The following DIAPH3 variants were observed in gnomAD, a reference collection of about 807,000 sequenced individuals.
DIAPH3 encodes diaphanous related formin 3.
In DIAPH3, 117 loss-of-function variants were observed where a neutral mutation model predicts 144.3. That is an observed-to-expected ratio of 0.81 (90% CI 0.70 to 0.95). The LOEUF is 0.95. Ranked by LOEUF, DIAPH3 falls within the 40% of genes least tolerant of loss-of-function variation. The pLI, the probability that DIAPH3 is intolerant of heterozygous loss-of-function variation, is 0.00. For missense variants in DIAPH3, 1,421 were observed against 1,412.7 expected (o/e 1.01, Z -0.09); for synonymous variants, 519 against 488.9 (o/e 1.06, Z -0.81).
At chr13:60,054,112 TA>T (rs1241542387) in intron 4 of DIAPH3, among the ~76,000 whole-genome samples, 1 of 152,062 alleles carries the variant, frequency 6.6e-6, no homozygotes, top group East Asian at 1.9e-4. Context: ...TAGTAGCCTA[TA>T]CCAAAATTCC....
At chr13:60,107,264 G>GA (rs1216737495) in intron 3 of DIAPH3, among the ~76,000 whole-genome samples, 36 of 144,882 alleles carry the variant, frequency 2.5e-4, no homozygotes, top group African/African-American at 3.0e-4. Context: ...TATACAGACA[G>GA]AAAAAAAAAA....
In DIAPH3 at chr13:60,159,394, A is replaced by G. The variant is rs574067519; in HGVS notation, c.180+4193T>C. 1.2e-4 allele frequency among the ~76,000 whole-genome samples: 18 copies of G among 151,356 alleles called. No individual in the cohort carries two copies. The South Asian group carries it at 3.8e-3, about 32-fold the overall frequency. ...TAATCCCAGCACTTTGGGAGGCCGA[A>G]GCGGGTGGATCACTTGAGGTCAGGA... On this transcript the variant is annotated intron_variant, in intron 1 of 27. Transcript: ENST00000400324.
At chr13:59,839,562 C>A (rs2042229415) in intron 22 of DIAPH3, 114 bp from the exon 23 acceptor site, 3 of 964,030 alleles carry the variant, frequency 3.1e-6, no homozygotes, top group Non-Finnish European at 4.3e-6. Flanking sequence ...TAAGAAAATT[C>A]ATTATAAAAT....
chr13:59,808,725 A>T (rs1361288003), intron 25 of DIAPH3, among the ~76,000 whole-genome samples: 2 of 152,172 alleles, frequency 1.3e-5, no homozygotes, highest in Admixed American at 1.3e-4. Context: ...ATTAAAAATT[A>T]TAAGAATTAC....
intron 27 of DIAPH3, among the ~76,000 whole-genome samples, chr13:59,748,941 C>T (rs953765382): frequency 2.0e-5 from 3 of 151,998 alleles, no homozygotes; most frequent in Admixed American, 6.6e-5. Context: ...AGGTCAGGTG[C>T]GGTGGCTCAT....
At chr13:59,743,283 A>G (rs944326277) in intron 27 of DIAPH3, among the ~76,000 whole-genome samples, 1 of 152,208 alleles carries the variant, frequency 6.6e-6, no homozygotes, top group Non-Finnish European at 1.5e-5. Flanking sequence ...GGCCTGAGAT[A>G]AAGCAGTGGC....
In DIAPH3 at chr13:59,879,447, G is replaced by A. The variant is rs200291290; in HGVS notation, c.2389C>T (p.Arg797Trp). The change falls in exon 21 of 28, where the codon CGG becomes TGG. Residue 797 changes from arginine to tryptophan, a missense_variant. Arg to Trp is a moderately radical substitution (Grantham distance 101). Transcript: ENST00000400324. ...AAGAGAATAGCACTGAGCCGTGGCC[G>A]TAGTCTCTTCACATTGCTCATCTGA... is the stretch of plus-strand genomic sequence containing the variant. ...VVVMSNVKRLRPRLSAILFKL... is the reference protein window; with the variant it reads ...VVVMSNVKRLWPRLSAILFKL... 2.5e-4 allele frequency: 404 copies of A among 1,613,596 alleles called. 1 individual carries two copies. The East Asian group carries it at 4.0e-3, about 16-fold the overall frequency.
At chr13:59,974,285 A>C in intron 15 of DIAPH3, 67 bp downstream of exon 15, 2 of 1,119,758 alleles carry the variant, frequency 1.8e-6, no homozygotes, top group Non-Finnish European at 2.7e-6. Flanking sequence ...TGCTATGAAG[A>C]TATAACATAA....
At chr13:59,910,866 T>G (rs1345891802) in intron 20 of DIAPH3, among the ~76,000 whole-genome samples, 2 of 150,680 alleles carry the variant, frequency 1.3e-5, no homozygotes, top group African/African-American at 2.4e-5. Flanking sequence ...AGGAGTAGAA[T>G]GCGTTTATGA....
chr13:59,724,635 C>T (rs373112220), intron 27 of DIAPH3, among the ~76,000 whole-genome samples: 1 of 152,144 alleles, frequency 6.6e-6, no homozygotes, highest in South Asian at 2.1e-4. Flanking sequence ...CTTCTTCATC[C>T]TTAAAAAGAT....
intron 27 of DIAPH3, among the ~76,000 whole-genome samples, chr13:59,731,064 T>C (rs1048548689): frequency 1.3e-5 from 2 of 152,182 alleles, no homozygotes; most frequent in Non-Finnish European, 2.9e-5. Flanking sequence ...CATTCACTGT[T>C]GCTTACCTGC....
intron 22 of DIAPH3, among the ~76,000 whole-genome samples, chr13:59,854,200 C>T (rs528161351): frequency 6.6e-6 from 1 of 152,158 alleles, no homozygotes; most frequent in African/African-American, 2.4e-5. Context: ...TCTGAGTAGC[C>T]ACTAGAAGCT....
At chr13:59,768,011 G>A (rs894922107) in intron 27 of DIAPH3, among the ~76,000 whole-genome samples, 1 of 152,158 alleles carries the variant, frequency 6.6e-6, no homozygotes, top group Non-Finnish European at 1.5e-5. Context: ...CTAGGCAGGA[G>A]CCCTGCTGAG....
At chr13:60,048,574 G>A (rs1422922965) in intron 4 of DIAPH3, among the ~76,000 whole-genome samples, 5 of 151,838 alleles carry the variant, frequency 3.3e-5, no homozygotes, top group African/African-American at 7.3e-5. Context: ...CTACACTACT[G>A]GTGGCATATA....
At chr13:59,914,266 G>A (rs940253056) in intron 19 of DIAPH3, among the ~76,000 whole-genome samples, 1 of 152,142 alleles carries the variant, frequency 6.6e-6, no homozygotes, top group East Asian at 1.9e-4. Context: ...GGTCAAAATA[G>A]GAATTCTTCG....
At chr13:60,093,599 G>A in intron 4 of DIAPH3, 29 bp downstream of exon 4, 1 of 1,436,504 alleles carries the variant, frequency 7.0e-7, no homozygotes, top group Admixed American at 1.7e-5. Flanking sequence ...ATGTTCGGCA[G>A]TATTTTTCAA....
intron 27 of DIAPH3, among the ~76,000 whole-genome samples, chr13:59,724,836 A>G (rs187437690): frequency 5.4e-4 from 83 of 152,328 alleles, no homozygotes; most frequent in African/African-American, 1.9e-3. Context: ...TAATTCTTCT[A>G]TAAGTTCAAA....
chr13:60,112,426 TA>T (rs1232805335), intron 2 of DIAPH3, among the ~76,000 whole-genome samples: 1 of 152,210 alleles, frequency 6.6e-6, no homozygotes, highest in East Asian at 1.9e-4. Flanking sequence ...CTTCTAATCT[TA>T]AAACCACACA....
chr13:59,976,826 T>C (rs529465069), intron 14 of DIAPH3, among the ~76,000 whole-genome samples: 1 of 151,828 alleles, frequency 6.6e-6, no homozygotes, highest in Non-Finnish European at 1.5e-5. Flanking sequence ...AATCAGTCCA[T>C]GAATATATTT....
Sources: gnomAD v4.1 joint callset for allele counts (sites outside exome capture counted in the v4.1 genomes callset) on GRCh38, gnomAD v4.1.1 for gene constraint, MANE v1.5 for transcripts, NCBI Gene and HGNC (gene_info 2026-07-23, HGNC 2026-07-21) for gene names.